Variants in ABHD3 observed in about 807,000 individuals in gnomAD.
ABHD3 encodes the protein phospholipase ABHD3.
In ABHD3, 46 loss-of-function variants were observed where a neutral mutation model predicts 48.8. The observed-to-expected ratio is 0.94, with a 90% CI of 0.74 to 1.20. The LOEUF is 1.20. ABHD3 is among the 50% of genes most tolerant of loss of function. ABHD3 has a pLI of 0.00. For missense variants in ABHD3, 490 were observed against 497.8 expected, an observed-to-expected ratio of 0.98 and a Z score of 0.15; for synonymous variants, 192 against 183.7, an observed-to-expected ratio of 1.04 and a Z score of -0.36.
chr18:21,680,920 G>A (rs914609215), intron 4 of ABHD3, among the ~76,000 whole-genome samples: 10 of 150,758 alleles, frequency 6.6e-5, no homozygotes, highest in Admixed American at 2.7e-4. Flanking sequence ...TTGAGACAGG[G>A]TTTCCATATG....
chr18:21,677,202 CTTTT>C (rs1366762712), intron 4 of ABHD3, among the ~76,000 whole-genome samples: 1 of 148,348 alleles, frequency 6.7e-6, no homozygotes, highest in Admixed American at 6.7e-5. Context: ...ACTTCATTCC[CTTTT>C]TTTTTTGAGA....
At chr18:21,672,324 T>C (rs1218359799) in intron 4 of ABHD3, among the ~76,000 whole-genome samples, 1 of 152,244 alleles carries the variant, frequency 6.6e-6, no homozygotes, top group East Asian at 1.9e-4. Context: ...CTCAGAATCC[T>C]TCTCTTTCAG....
At chr18:21,653,734 T>G (rs998921813) in intron 8 of ABHD3, among the ~76,000 whole-genome samples, 7 of 107,512 alleles carry the variant, frequency 6.5e-5, no homozygotes, top group Admixed American at 6.1e-4. Context: ...TTACAAAAAA[T>G]GTTAAAAAAA....
intron 6 of ABHD3, among the ~76,000 whole-genome samples, chr18:21,658,838 GTTTT>G (rs564228924): frequency 9.5e-5 from 13 of 136,634 alleles, no homozygotes; most frequent in African/African-American, 1.9e-4. Context: ...GGAGACAATA[GTTTT>G]TTTTTTTTTT....
chr18:21,678,693 T>A (rs2039942468), intron 4 of ABHD3, among the ~76,000 whole-genome samples: 1 of 152,162 alleles, frequency 6.6e-6, no homozygotes, highest in Non-Finnish European at 1.5e-5. Context: ...CTTGGATTCC[T>A]ATCCTTGAAA....
At chr18:21,662,144 T>C (rs1265326709) in intron 5 of ABHD3, 1 of 151,756 alleles carries the variant, frequency 6.6e-6, no homozygotes, top group Non-Finnish European at 1.5e-5. Context: ...AATTTTTGTA[T>C]TTTTAGTAGA....
chr18:21,680,096 C>T (rs1439073610), intron 4 of ABHD3, among the ~76,000 whole-genome samples: 1 of 152,176 alleles, frequency 6.6e-6, no homozygotes, highest in Non-Finnish European at 1.5e-5. Context: ...TCACTGCAAC[C>T]TCCACCTCCT....
At position 21,657,130 on chromosome 18, in the gene ABHD3, GTT is replaced by G. The variant is rs1568136082; in HGVS notation, c.863_864del (p.Lys288ThrfsTer3). On this transcript the variant is annotated frameshift_variant, in exon 7 of 9. Transcript: ENST00000289119. LOFTEE classifies it high-confidence loss of function. ...SVNKHRHMFV[K>X]QVDMDHVMKA... The stretch of plus-strand genomic sequence containing the variant: ...TTCATGACATGATCCATATCAACTT[GTT>G]TTACAAACATATGTCGGTGCCTGGA... 12 of 1,611,186 alleles carry G rather than the reference GTT, an allele frequency of 7.4e-6. No individual in the cohort carries two copies. The highest frequency in any genetic ancestry group is 1.0e-5 in the Non-Finnish European group (12 of 1,178,598).
chr18:21,690,764 G>A (rs1049339840), intron 3 of ABHD3, among the ~76,000 whole-genome samples: 9 of 151,744 alleles, frequency 5.9e-5, no homozygotes, highest in African/African-American at 2.2e-4. Context: ...GGAGGCCGAG[G>A]CAGGTGGATC....
rs2040534684 is a variant in ABHD3 at position 21,702,487 on chromosome 18, T to C, written c.338A>G (p.Lys113Arg). 6.3e-7 allele frequency: 1 copy of C among 1,598,254 alleles called. No homozygotes were observed. The highest frequency in any genetic ancestry group is 1.3e-5 in the African/African-American group (1 of 74,592). The change falls in exon 3 of 9, where the codon AAA (lysine) becomes AGA (arginine). Residue 113 changes from lysine (K) to arginine (R), a missense_variant. Lys to Arg is a conservative substitution (Grantham distance 26). Transcript: ENST00000289119. Reference sequence around the variant, plus strand: ...TGAAATCTGTCCTCCATCTGCAGTTTTAATAAGTTCACTGAAAGGAATAAT... The same window carrying C: ...TGAAATCTGTCCTCCATCTGCAGTTCTAATAAGTTCACTGAAAGGAATAAT... ...PPVQYRNELI[K>R]TADGGQISLD...
Position 21,654,501 on chromosome 18 carries a change from C to T in ABHD3, c.1057+2360G>A, listed in dbSNP as rs2039300233. 2.0e-5 allele frequency among the ~76,000 whole-genome samples: 3 copies of T among 152,280 alleles called. No individual in the cohort carries two copies. The South Asian group carries it at 6.2e-4, about 32-fold the overall frequency. On this transcript the variant is annotated intron_variant, in intron 8 of 8. Coordinates refer to ENST00000289119, the MANE Select transcript of ABHD3 (RefSeq NM_138340.5). ...TCTTATCAAAAAGTGGTCCTGAGTT[C>T]ACGTCCTTAGCTAGCCACGTCCGTC... is the stretch of plus-strand genomic sequence containing the variant.
In ABHD3 at chr18:21,702,442, T is replaced by C. The variant is rs758358425; in HGVS notation, c.383A>G (p.Asp128Gly). Residue 128 changes from aspartate to glycine, a missense_variant, in exon 3 of 9, where the codon GAT becomes GGT. Transcript: ENST00000289119. ...GQISLDWFDN[D>G]NSTCYMDAST... ...GGCATCCATATAACACGTACTGTTA[T>C]CATTATCAAACCAGTCCAGTGAAAT... 33 of 1,613,378 alleles carry C rather than the reference T, an allele frequency of 2.0e-5. No homozygotes were observed. In the South Asian group the frequency reaches 3.3e-4, roughly 16 times the overall value.
At chr18:21,691,230 A>G (rs1459957034) in intron 3 of ABHD3, among the ~76,000 whole-genome samples, 1 of 152,216 alleles carries the variant, frequency 6.6e-6, no homozygotes, top group African/African-American at 2.4e-5. Flanking sequence ...TAGGAAGACT[A>G]ACAATCTTAA....
intron 3 of ABHD3, among the ~76,000 whole-genome samples, chr18:21,684,391 C>T (rs529170517): frequency 1.4e-5 from 2 of 139,980 alleles, no homozygotes; most frequent in Non-Finnish European, 3.0e-5. Flanking sequence ...GATCTCGGCT[C>T]ACTGCAACCT....
intron 4 of ABHD3, among the ~76,000 whole-genome samples, chr18:21,681,998 A>G (rs1014168807): frequency 6.6e-6 from 1 of 152,114 alleles, no homozygotes; most frequent in African/African-American, 2.4e-5. Flanking sequence ...TCAGCCAGGC[A>G]TGGTGGCACA....
intron 8 of ABHD3, among the ~76,000 whole-genome samples, chr18:21,653,957 T>C (rs1312368001): frequency 1.3e-5 from 2 of 151,652 alleles, no homozygotes; most frequent in Non-Finnish European, 2.9e-5. Context: ...GCAATTCTCC[T>C]GCCTCAGCCT....
intron 5 of ABHD3, among the ~76,000 whole-genome samples, chr18:21,661,492 A>G (rs1333653030): frequency 6.6e-6 from 1 of 151,848 alleles, no homozygotes; most frequent in Non-Finnish European, 1.5e-5. Flanking sequence ...TTAGCTGGAC[A>G]TGGTGGTGGG....
At position 21,651,460 on chromosome 18, in the gene ABHD3, G is replaced by T. The variant is rs1335900803; in HGVS notation, c.*131C>A. On this transcript the variant is annotated 3_prime_UTR_variant, in exon 9 of 9. Coordinates refer to ENST00000289119, the MANE Select transcript of ABHD3 (RefSeq NM_138340.5). Reference sequence around the variant, plus strand: ...TTTGTTTCTCTAAAAAGTAGTTTTTGCATATCATTCTGGACCTCTTCACCC... The same window carrying T: ...TTTGTTTCTCTAAAAAGTAGTTTTTTCATATCATTCTGGACCTCTTCACCC... 1.0e-6 allele frequency: 1 copy of T among 986,406 alleles called. No individual in the cohort carries two copies. Among genetic ancestry groups the T allele is most frequent in the African/African-American group, 1.7e-5 (1 of 59,856 alleles). 61.1% of individuals were successfully genotyped at this position (986,406 alleles called of 1,614,324 possible).
intron 5 of ABHD3, among the ~76,000 whole-genome samples, chr18:21,663,263 A>G (rs1019459486): frequency 5.9e-5 from 9 of 152,102 alleles, no homozygotes; most frequent in African/African-American, 2.2e-4. Context: ...TTTTCAAGTG[A>G]TTCATGTTCA....
Sources: gnomAD v4.1 joint callset for allele counts (sites outside exome capture counted in the v4.1 genomes callset) on GRCh38, gnomAD v4.1.1 for gene constraint, MANE v1.5 for transcripts, NCBI Gene and HGNC (gene_info 2026-07-23, HGNC 2026-07-21) for gene names.